The following ZNF148 variants were observed in gnomAD, a reference collection of about 807,000 sequenced individuals.
ZNF148 encodes the protein Beta-Enolase Repressor Factor-1.
In ZNF148, 7 loss-of-function variants were observed where a neutral mutation model predicts 67.7. The observed-to-expected ratio is 0.10, with a 90% CI of 0.06 to 0.19. The LOEUF (loss-of-function observed/expected upper bound fraction) is 0.19, where lower values mean the gene tolerates loss of function less well. ZNF148 is among the 10% of genes least tolerant of loss of function. The probability of loss-of-function intolerance (pLI) is 1.00; values close to 1 mark genes in which losing one functional copy is unlikely to be tolerated. For synonymous variants in ZNF148, 333 were observed against 330.7 expected (o/e 1.01, Z -0.08); for missense variants, 583 against 947.1 (o/e 0.62, Z 5.05).
chr3:125,247,351 GT>G (rs1276721438), intron 7 of ZNF148, among the ~76,000 whole-genome samples: 1 of 152,118 alleles, frequency 6.6e-6, no homozygotes, highest in Non-Finnish European at 1.5e-5. Flanking sequence ...CTTTTGCAGA[GT>G]TATGAAATTA....
intron 7 of ZNF148, among the ~76,000 whole-genome samples, chr3:125,238,860 CA>C (rs1322697742): frequency 3.3e-5 from 5 of 152,078 alleles, no homozygotes; most frequent in Admixed American, 1.3e-4. Flanking sequence ...AGAAGTAACC[CA>C]AGTGTCCATC....
intron 4 of ZNF148, among the ~76,000 whole-genome samples, chr3:125,303,290 G>C (rs1939690658): frequency 6.6e-6 from 1 of 151,772 alleles, no homozygotes; most frequent in Non-Finnish European, 1.5e-5. Context: ...TCTGAATCTT[G>C]ATTGCTTTGG....
intron 7 of ZNF148, among the ~76,000 whole-genome samples, chr3:125,257,541 C>A (rs964668644): frequency 7.8e-6 from 1 of 128,744 alleles, no homozygotes; most frequent in Non-Finnish European, 1.6e-5. Context: ...GGCGACAGAG[C>A]GAGACTCCGT....
intron 7 of ZNF148, among the ~76,000 whole-genome samples, chr3:125,245,931 C>T (rs2107536856): frequency 6.6e-6 from 1 of 152,260 alleles, no homozygotes; most frequent in Non-Finnish European, 1.5e-5. Context: ...ATTCTTCTGG[C>T]CCCTACCTTT....
chr3:125,364,397 C>T (rs1486860330), intron 1 of ZNF148, among the ~76,000 whole-genome samples: 2 of 151,984 alleles, frequency 1.3e-5, no homozygotes, highest in African/African-American at 4.8e-5. Flanking sequence ...CTGAAAAAAA[C>T]AAACAGAACA....
intron 3 of ZNF148, among the ~76,000 whole-genome samples, chr3:125,316,772 G>A (rs1241980783): frequency 6.6e-6 from 1 of 152,064 alleles, no homozygotes; most frequent in East Asian, 1.9e-4. Flanking sequence ...TGGGTAGTTT[G>A]CAAATATTTT....
chr3:125,282,692 G>A (rs915192414), intron 5 of ZNF148, among the ~76,000 whole-genome samples: 3 of 151,958 alleles, frequency 2.0e-5, no homozygotes, highest in Non-Finnish European at 2.9e-5. Context: ...TCTGTTTTAA[G>A]ACAAATCTAT....
At chr3:125,352,283 G>A (rs935427937) in intron 1 of ZNF148, among the ~76,000 whole-genome samples, 7 of 152,086 alleles carry the variant, frequency 4.6e-5, no homozygotes, top group African/African-American at 1.7e-4. Context: ...AAAGAAGCCA[G>A]ACAAAAAAGA....
chr3:125,242,986 T>C (rs1357017083), intron 7 of ZNF148, among the ~76,000 whole-genome samples: 2 of 152,256 alleles, frequency 1.3e-5, no homozygotes, highest in East Asian at 3.8e-4. Flanking sequence ...TTCTCGTTTG[T>C]CCTGCTGGAC....
chr3:125,326,126 C>T (rs1477496929), intron 2 of ZNF148, among the ~76,000 whole-genome samples: 1 of 152,080 alleles, frequency 6.6e-6, no homozygotes, highest in Non-Finnish European at 1.5e-5. Context: ...GCTAGTAGAC[C>T]TGCCTTAAAC....
chr3:125,244,758 A>C (rs1936522167), intron 7 of ZNF148, among the ~76,000 whole-genome samples: 1 of 152,154 alleles, frequency 6.6e-6, no homozygotes, highest in South Asian at 2.1e-4. Context: ...TTGCCCTCCC[A>C]AAGTGCTGGG....
rs761680609 is a variant in ZNF148, at chr3:125,288,214, C to T, written c.348G>A (p.Gln116=). 11 of 1,611,546 alleles carry T rather than the reference C, an allele frequency of 6.8e-6. No homozygotes were observed. The Admixed American group carries it at 1.9e-4, about 27-fold the overall frequency. ...CAGATACATCAGTAAAAGTAATTTC[C>T]TGCTTTACGCTTATCTGTTTAAAAA... ...YALNVPISVK[Q]EITFTDVSEQ... The change falls in exon 5 of 9, where the codon CAG becomes CAA. Residue 116 remains glutamine (Q), a synonymous_variant. Coordinates refer to ENST00000360647, the MANE Select transcript of ZNF148 (RefSeq NM_021964.3).
chr3:125,343,143 C>T (rs1941800156), intron 1 of ZNF148, among the ~76,000 whole-genome samples: 1 of 152,220 alleles, frequency 6.6e-6, no homozygotes. Context: ...CAGACTAACA[C>T]TACATGACTC....
At position 125,343,850 on chromosome 3, in the gene ZNF148, T is replaced by C. The variant is rs191799974; in HGVS notation, c.-233-12612A>G. Among the ~76,000 whole-genome samples, 89 of 152,170 alleles carry C rather than the reference T, an allele frequency of 5.8e-4. 1 individual carries two copies. The highest frequency in any genetic ancestry group is 2.1e-3 in the African/African-American group (87 of 41,504). ...AGGTCCATGGCTTCATTCTTGAAGT[T>C]AGAGAGACCACGAACCCACCGACAG... is the stretch of plus-strand genomic sequence containing the variant. On this transcript the variant is annotated intron_variant, in intron 1 of 8. Coordinates refer to ENST00000360647, the MANE Select transcript of ZNF148 (RefSeq NM_021964.3).
chr3:125,281,057 A>T (rs1560137400), intron 5 of ZNF148, among the ~76,000 whole-genome samples: 1 of 152,230 alleles, frequency 6.6e-6, no homozygotes, highest in Non-Finnish European at 1.5e-5. Flanking sequence ...AAATTCAAGA[A>T]GACAGTTCAG....
chr3:125,360,805 C>G (rs1159076537), intron 1 of ZNF148, among the ~76,000 whole-genome samples: 1 of 147,938 alleles, frequency 6.8e-6, no homozygotes, highest in Non-Finnish European at 1.5e-5. Context: ...ATAGGAAGAC[C>G]ACATCTCTTT....
chr3:125,312,997 T>C (rs1265949957), intron 4 of ZNF148, among the ~76,000 whole-genome samples: 1 of 152,188 alleles, frequency 6.6e-6, no homozygotes, highest in African/African-American at 2.4e-5. Context: ...CGTTGAAGAT[T>C]CAAATGTTTT....
At chr3:125,325,222 A>T (rs1940966920) in intron 2 of ZNF148, among the ~76,000 whole-genome samples, 1 of 152,222 alleles carries the variant, frequency 6.6e-6, no homozygotes, top group Admixed American at 6.5e-5. Context: ...ACAGTAACAG[A>T]AATAAAAAAT....
At chr3:125,276,574 C>T (rs938358340) in intron 7 of ZNF148, among the ~76,000 whole-genome samples, 1 of 152,078 alleles carries the variant, frequency 6.6e-6, no homozygotes, top group Admixed American at 6.5e-5. Context: ...GCTGGGATTA[C>T]AGGCATGTGC....
Sources: allele counts gnomAD v4.1 joint callset (sites outside exome capture counted in the v4.1 genomes callset), GRCh38; gene constraint gnomAD v4.1.1; transcripts MANE v1.5; gene names NCBI Gene and HGNC (gene_info 2026-07-23, HGNC 2026-07-21).